The following LIX1 variants were observed in gnomAD, a reference collection of about 807,000 sequenced individuals.
The protein encoded by LIX1 is limb and CNS expressed 1.
Under a neutral mutation model 33.4 loss-of-function variants are expected in LIX1, and 24 were observed. The observed-to-expected ratio is 0.72, with a 90% CI of 0.52 to 1.01. LIX1 has a LOEUF of 1.01. Ranked by LOEUF, LIX1 falls within the 50% of genes least tolerant of loss-of-function variation. The probability of loss-of-function intolerance (pLI) is 0.00; values close to 1 mark genes in which losing one functional copy is unlikely to be tolerated. For missense variants in LIX1, 311 were observed against 339.2 expected, an observed-to-expected ratio of 0.92 and a Z score of 0.65; for synonymous variants, 124 against 124.0, an observed-to-expected ratio of 1.00 and a Z score of 0.00.
At chr5:97,113,355 G>A (rs981291277) in intron 2 of LIX1, among the ~76,000 whole-genome samples, 1 of 152,202 alleles carries the variant, frequency 6.6e-6, no homozygotes, top group African/African-American at 2.4e-5. Context: ...ATAAATGTTT[G>A]TAAGTTTTCA....
At chr5:97,115,256 G>A (rs1747604582) in intron 2 of LIX1, among the ~76,000 whole-genome samples, 2 of 152,116 alleles carry the variant, frequency 1.3e-5, no homozygotes, top group African/African-American at 4.8e-5. Flanking sequence ...TAAAATTTTG[G>A]TAATCATGTA....
At chr5:97,095,519 C>A (rs1013292827) in intron 5 of LIX1, among the ~76,000 whole-genome samples, 51 of 152,148 alleles carry the variant, frequency 3.4e-4, no homozygotes, top group Non-Finnish European at 4.6e-4. Context: ...CTCAGAGTAT[C>A]ATTTAGAAAC....
At chr5:97,113,220 C>G (rs750959827) in intron 2 of LIX1, among the ~76,000 whole-genome samples, 1 of 152,186 alleles carries the variant, frequency 6.6e-6, no homozygotes, top group Non-Finnish European at 1.5e-5. Flanking sequence ...CCTGATCAAG[C>G]CTTCAAATGA....
At chr5:97,119,173 C>T (rs910984175) in intron 2 of LIX1, among the ~76,000 whole-genome samples, 8 of 152,178 alleles carry the variant, frequency 5.3e-5, no homozygotes, top group African/African-American at 1.9e-4. Context: ...TTACTTGGCA[C>T]CATTGGTGGT....
intron 4 of LIX1, among the ~76,000 whole-genome samples, chr5:97,098,598 C>G (rs1746514804): frequency 6.6e-6 from 1 of 152,100 alleles, no homozygotes; most frequent in Non-Finnish European, 1.5e-5. Context: ...TTCAAAAAAG[C>G]TTTTAGCTGG....
intron 1 of LIX1, among the ~76,000 whole-genome samples, chr5:97,139,962 T>C (rs1366666232): frequency 6.6e-6 from 1 of 152,260 alleles, no homozygotes; most frequent in Non-Finnish European, 1.5e-5. Context: ...TGAATTTTAT[T>C]TCTTTAAATG....
chr5:97,135,961 T>A (rs1187319742), intron 1 of LIX1, among the ~76,000 whole-genome samples: 1 of 152,244 alleles, frequency 6.6e-6, no homozygotes, highest in Non-Finnish European at 1.5e-5. Context: ...TAAGTGTAAA[T>A]GTGGCTTTGT....
At chr5:97,127,731 G>A (rs549707103) in intron 1 of LIX1, among the ~76,000 whole-genome samples, 43 of 152,280 alleles carry the variant, frequency 2.8e-4, no homozygotes, top group African/African-American at 8.4e-4. Flanking sequence ...GAGAGTAGGC[G>A]TCAATCAATA....
At chr5:97,112,944 A>G (rs1034603753) in intron 2 of LIX1, among the ~76,000 whole-genome samples, 2 of 152,168 alleles carry the variant, frequency 1.3e-5, no homozygotes, top group African/African-American at 2.4e-5. Flanking sequence ...ACTGCACCAG[A>G]GTTCGTTTGT....
At position 97,093,207 on chromosome 5, in the gene LIX1, A is replaced by G. The variant is rs1307032851; in HGVS notation, c.*1541T>C. On this transcript the variant is annotated 3_prime_UTR_variant, in exon 6 of 6. Transcript: ENST00000274382. ...AGTTTTCATGTGGATTTAAGGAGTG[A>G]TGGTTACCTTTGTACATACTTATTA... The G allele has an allele frequency of 6.6e-6, 1 of 152,326 alleles. No homozygotes were observed. The highest frequency in any genetic ancestry group is 2.4e-5 in the African/African-American group (1 of 41,436). The allele number at this position is 152,326 out of a possible 1,614,324, so 9.4% of individuals were successfully genotyped here. A position where few individuals can be genotyped will look rare whatever the true frequency, so the allele number is the denominator to read the frequency against.
At position 97,107,364 on chromosome 5, in the gene LIX1, G is replaced by A. The variant is rs1747105550; in HGVS notation, c.383C>T (p.Thr128Ile). 1 of 1,611,974 alleles carries A rather than the reference G, an allele frequency of 6.2e-7. No individual in the cohort carries two copies. Among genetic ancestry groups the A allele is most frequent in the Admixed American group, 1.7e-5 (1 of 59,980 alleles). Residue 128 changes from threonine to isoleucine, a missense_variant, in exon 3 of 6, where the codon ACC (threonine) becomes ATC (isoleucine). Coordinates refer to ENST00000274382, the MANE Select transcript of LIX1 (RefSeq NM_153234.5). ...MESVQEAVAS[T>I]SGTLDDADDP... ...CCCTCCATGGTGGGTACTCACGCTG[G>A]TGGAGGCTACTGCTTCCTGAACACT... is the stretch of plus-strand genomic sequence containing the variant.
intron 1 of LIX1, among the ~76,000 whole-genome samples, chr5:97,140,935 A>G (rs1256570653): frequency 2.0e-5 from 3 of 152,226 alleles, no homozygotes; most frequent in African/African-American, 7.2e-5. Context: ...TTGTTCTCCC[A>G]TATAAAAGAA....
intron 2 of LIX1, among the ~76,000 whole-genome samples, chr5:97,112,057 T>C (rs1223999809): frequency 1.3e-5 from 2 of 152,268 alleles, no homozygotes; most frequent in Non-Finnish European, 2.9e-5. Context: ...CTATTGTTCT[T>C]GGCATTTCTG....
At chr5:97,123,052 T>C (rs536055416) in intron 2 of LIX1, among the ~76,000 whole-genome samples, 50 of 152,326 alleles carry the variant, frequency 3.3e-4, no homozygotes, top group African/African-American at 1.2e-3. Context: ...TCGGTTTCCA[T>C]AAATCCCCTC....
chr5:97,101,640 A>G (rs545125778), intron 4 of LIX1: 1 of 152,330 alleles, frequency 6.6e-6, no homozygotes, highest in South Asian at 2.1e-4. Context: ...TAAACAGACA[A>G]CAACGGGGCT....
chr5:97,127,497 A>T (rs1310195970), intron 1 of LIX1, among the ~76,000 whole-genome samples: 1 of 152,146 alleles, frequency 6.6e-6, no homozygotes, highest in African/African-American at 2.4e-5. Flanking sequence ...CCATCTTTCT[A>T]TCTCTATCTA....
chr5:97,107,261 T>G (rs1235263741), intron 3 of LIX1, 99 bp downstream of exon 3: 43 of 1,236,004 alleles, frequency 3.5e-5, no homozygotes, highest in Non-Finnish European at 3.7e-5. Flanking sequence ...TCTACAGAAT[T>G]CTTAAAATAA....
intron 2 of LIX1, among the ~76,000 whole-genome samples, chr5:97,118,072 C>T (rs1332706853): frequency 3.3e-5 from 5 of 152,150 alleles, no homozygotes; most frequent in Non-Finnish European, 5.9e-5. Flanking sequence ...ATTTTAACAA[C>T]AAAATACTTA....
At position 97,091,885 on chromosome 5, in the gene LIX1, C is replaced by T. The variant is rs749508954; in HGVS notation, c.*2863G>A. The stretch of plus-strand genomic sequence containing the variant: ...AACCAAATTCTGAACATTAGAGGTA[C>T]GACTTTATTAAATCTGTACTTTCTG... On this transcript the variant is annotated 3_prime_UTR_variant, in exon 6 of 6. Coordinates refer to ENST00000274382, the MANE Select transcript of LIX1 (RefSeq NM_153234.5). 6.6e-6 allele frequency: 1 copy of T among 152,244 alleles called. No homozygotes were observed. Among genetic ancestry groups the T allele is most frequent in the African/African-American group, 2.4e-5 (1 of 41,418 alleles). The allele number at this position is 152,244 out of a possible 1,614,324, so 9.4% of individuals were successfully genotyped here.
Sources: gnomAD v4.1 joint callset for allele counts (sites outside exome capture counted in the v4.1 genomes callset) on GRCh38, gnomAD v4.1.1 for gene constraint, MANE v1.5 for transcripts, NCBI Gene and HGNC (gene_info 2026-07-23, HGNC 2026-07-21) for gene names.